Variants in CSGALNACT2 observed in about 807,000 individuals in gnomAD.
The protein encoded by CSGALNACT2 is beta 4 GalNAcT-2.
In CSGALNACT2, 35 loss-of-function variants were observed where a neutral mutation model predicts 55.3. That is an observed-to-expected ratio of 0.63 (90% CI 0.48 to 0.84). The LOEUF is 0.84. CSGALNACT2 is among the 40% of genes least tolerant of loss of function. CSGALNACT2 has a pLI of 0.00. For synonymous variants in CSGALNACT2, 196 were observed against 224.9 expected (o/e 0.87, Z 1.15); for missense variants, 544 against 657.5 (o/e 0.83, Z 1.89).
chr10:43,145,794 A>C (rs1368920774), intron 1 of CSGALNACT2, among the ~76,000 whole-genome samples: 1 of 152,204 alleles, frequency 6.6e-6, no homozygotes, highest in Non-Finnish European at 1.5e-5. Flanking sequence ...TCTATTGCTT[A>C]TATTTGCAAG....
chr10:43,176,063 T>A (rs756771391), intron 7 of CSGALNACT2, 31 bp downstream of exon 7: 3 of 1,514,220 alleles, frequency 2.0e-6, no homozygotes, highest in Non-Finnish European at 2.7e-6. Flanking sequence ...AGGATAGGAC[T>A]TTATTTACTC....
intron 7 of CSGALNACT2, among the ~76,000 whole-genome samples, chr10:43,179,809 C>T (rs1209042075): frequency 2.0e-5 from 3 of 152,186 alleles, no homozygotes; most frequent in Non-Finnish European, 1.5e-5. Context: ...AGCTGTTGCC[C>T]TCCTGGAGTT....
chr10:43,176,231 A>G (rs1839479344), intron 7 of CSGALNACT2, among the ~76,000 whole-genome samples, 199 bp downstream of exon 7: 1 of 152,254 alleles, frequency 6.6e-6, no homozygotes, highest in Admixed American at 6.5e-5. Flanking sequence ...TCATAAAAAT[A>G]AAGTATAATA....
intron 1 of CSGALNACT2, among the ~76,000 whole-genome samples, chr10:43,139,299 G>C (rs922485092): frequency 1.1e-4 from 16 of 152,156 alleles, no homozygotes; most frequent in Admixed American, 1.3e-4. Flanking sequence ...TTCGATCTTG[G>C]AAGTAAGAAG....
intron 3 of CSGALNACT2, among the ~76,000 whole-genome samples, 185 bp downstream of exon 3, chr10:43,159,116 A>G (rs886715409): frequency 2.6e-5 from 4 of 152,086 alleles, no homozygotes; most frequent in Non-Finnish European, 4.4e-5. Flanking sequence ...GTTATAGACA[A>G]TTTGAACTAT....
At chr10:43,145,675 G>T (rs1838732184) in intron 1 of CSGALNACT2, among the ~76,000 whole-genome samples, 1 of 152,012 alleles carries the variant, frequency 6.6e-6, no homozygotes, top group Non-Finnish European at 1.5e-5. Context: ...ACCTCCCAAG[G>T]TGCTTACAGG....
At chr10:43,180,273 C>T (rs2503841) in intron 7 of CSGALNACT2, among the ~76,000 whole-genome samples, 116,239 of 152,206 alleles carry the variant, frequency 0.76, 45,036 homozygotes, top group African/African-American at 0.84. Flanking sequence ...GTTGTCCCAC[C>T]GTTCTTAGAT....
At chr10:43,157,285 C>G (rs901115145) in intron 2 of CSGALNACT2, among the ~76,000 whole-genome samples, 1 of 152,216 alleles carries the variant, frequency 6.6e-6, no homozygotes, top group Non-Finnish European at 1.5e-5. Flanking sequence ...GTTTTATATT[C>G]TGCAGCTCCT....
intron 7 of CSGALNACT2, among the ~76,000 whole-genome samples, chr10:43,176,800 C>T (rs925254750): frequency 2.0e-5 from 3 of 152,200 alleles, no homozygotes; most frequent in Non-Finnish European, 4.4e-5. Context: ...CTCCTGGGTT[C>T]AAGCAATCTG....
intron 1 of CSGALNACT2, among the ~76,000 whole-genome samples, chr10:43,151,620 A>G (rs1410797531): frequency 6.6e-6 from 1 of 152,010 alleles, no homozygotes; most frequent in Non-Finnish European, 1.5e-5. Context: ...CCAAATACCC[A>G]TGGGATATCC....
chr10:43,158,387 T>A (rs749826055), intron 2 of CSGALNACT2, among the ~76,000 whole-genome samples: 2 of 152,076 alleles, frequency 1.3e-5, no homozygotes, highest in Non-Finnish European at 2.9e-5. Context: ...GATTTTAATA[T>A]TGCTAGAAGT....
intron 6 of CSGALNACT2, among the ~76,000 whole-genome samples, chr10:43,173,824 C>G (rs960290053): frequency 3.2e-4 from 49 of 152,078 alleles, no homozygotes; most frequent in Admixed American, 1.3e-4. Flanking sequence ...GAAACCCTGT[C>G]TCTACTATAA....
intron 2 of CSGALNACT2, among the ~76,000 whole-genome samples, chr10:43,157,313 C>T (rs1839035633): frequency 6.6e-6 from 1 of 152,200 alleles, no homozygotes; most frequent in Non-Finnish European, 1.5e-5. Context: ...TCTTATAACT[C>T]TCCTTGGATT....
At chr10:43,165,838 C>G (rs1396523287) in intron 5 of CSGALNACT2, among the ~76,000 whole-genome samples, 1 of 152,064 alleles carries the variant, frequency 6.6e-6, no homozygotes, top group Non-Finnish European at 1.5e-5. Flanking sequence ...AAAAATTAGC[C>G]AGGCGTGGTG....
chr10:43,149,246 C>T (rs1339817341), intron 1 of CSGALNACT2, among the ~76,000 whole-genome samples: 5 of 152,106 alleles, frequency 3.3e-5, no homozygotes, highest in South Asian at 2.1e-4. Context: ...CCACCACACC[C>T]GGCTAATTTT....
intron 7 of CSGALNACT2, among the ~76,000 whole-genome samples, chr10:43,178,942 C>A (rs1839536047): frequency 6.6e-6 from 1 of 152,086 alleles, no homozygotes. Context: ...CTTCAGATTG[C>A]ATAATTTCTA....
At chr10:43,160,670 T>C (rs935114234) in intron 4 of CSGALNACT2, 75 bp downstream of exon 4, 1 of 731,730 alleles carries the variant, frequency 1.4e-6, no homozygotes, top group Non-Finnish European at 2.4e-6. Context: ...ATGTAATGAG[T>C]TAATAATTTT....
At chr10:43,152,858 A>T (rs978212039) in intron 1 of CSGALNACT2, among the ~76,000 whole-genome samples, 30 of 152,314 alleles carry the variant, frequency 2.0e-4, no homozygotes, top group African/African-American at 7.2e-4. Context: ...GTTAAAACAG[A>T]TACCGCTAGG....
At chr10:43,170,532 A>C (rs1839361865) in intron 6 of CSGALNACT2, among the ~76,000 whole-genome samples, 1 of 152,236 alleles carries the variant, frequency 6.6e-6, no homozygotes, top group Non-Finnish European at 1.5e-5. Flanking sequence ...TTATAACCCA[A>C]AGCATCAAGT....
Sources: gnomAD v4.1 joint callset for allele counts (sites outside exome capture counted in the v4.1 genomes callset) on GRCh38, gnomAD v4.1.1 for gene constraint, MANE v1.5 for transcripts, NCBI Gene and HGNC (gene_info 2026-07-23, HGNC 2026-07-21) for gene names.